The following ADAMTS9 variants were observed in gnomAD, a reference collection of about 807,000 sequenced individuals.
The protein encoded by ADAMTS9 is ADAM metallopeptidase with thrombospondin type 1 motif 9.
ADAMTS9 carries 107 observed loss-of-function variants against 257.1 expected under a neutral mutation model. The observed-to-expected ratio is 0.42, with a 90% CI of 0.36 to 0.49. The LOEUF is 0.49. Among genes scored for constraint, ADAMTS9 ranks in the 20% least tolerant of loss-of-function variants. The pLI is 0.03. For synonymous variants in ADAMTS9, 982 were observed against 880.9 expected, an observed-to-expected ratio of 1.11 and a Z score of -2.03; for missense variants, 2,353 against 2,469.1, an observed-to-expected ratio of 0.95 and a Z score of 1.00.
chr3:64,591,527 A>G (rs1382131502), intron 28 of ADAMTS9, among the ~76,000 whole-genome samples: 3 of 152,192 alleles, frequency 2.0e-5, no homozygotes, highest in African/African-American at 7.2e-5. Context: ...AAAAGGTTGA[A>G]TTTCTGGAGG....
chr3:64,659,149 G>A (rs1160745798), intron 3 of ADAMTS9, among the ~76,000 whole-genome samples: 1 of 152,212 alleles, frequency 6.6e-6, no homozygotes, highest in Admixed American at 6.5e-5. Context: ...GTAAGGGCCA[G>A]TAACGTAGCT....
In ADAMTS9 at chr3:64,604,257, T is replaced by C. The variant is rs772666278; in HGVS notation, c.3549A>G (p.Arg1183=). 1.9e-6 allele frequency: 3 copies of C among 1,613,704 alleles called. No individual in the cohort carries two copies. ...TCCAAGACCCAAATCGCCACTGGGT[T>C]CTTGGTGCACTGTATGTGCTTCTCC... The part of the protein sequence containing the change: ...ETRRSTYSAP[R]TQWRFGSWTP... Residue 1183 remains arginine, a synonymous_variant, in exon 24 of 40, where the codon AGA becomes AGG. Transcript: ENST00000498707.
intron 11 of ADAMTS9, among the ~76,000 whole-genome samples, chr3:64,647,527 G>A (rs113039704): frequency 1.4e-4 from 21 of 152,288 alleles, no homozygotes; most frequent in African/African-American, 5.1e-4. Context: ...ACCTGCAATA[G>A]ATGTACTATA....
chr3:64,583,798 A>C (rs1043634940), intron 28 of ADAMTS9: 1 of 152,182 alleles, frequency 6.6e-6, no homozygotes, highest in African/African-American at 2.4e-5. Flanking sequence ...TGTTGATGGG[A>C]GTTGTAAAGG....
chr3:64,670,632 T>G (rs763189478), intron 3 of ADAMTS9, among the ~76,000 whole-genome samples: 6 of 152,146 alleles, frequency 3.9e-5, no homozygotes, highest in Non-Finnish European at 8.8e-5. Flanking sequence ...GACAAAGGAC[T>G]TATATACAGA....
intron 26 of ADAMTS9, among the ~76,000 whole-genome samples, chr3:64,600,000 G>A (rs963098557): frequency 9.3e-5 from 14 of 150,876 alleles, no homozygotes; most frequent in Non-Finnish European, 5.9e-5. Flanking sequence ...CCCTACTGCG[G>A]CTAAATGAAC....
intron 39 of ADAMTS9, among the ~76,000 whole-genome samples, chr3:64,517,337 G>A (rs540428691): frequency 1.3e-5 from 2 of 149,774 alleles, no homozygotes; most frequent in African/African-American, 2.4e-5. Flanking sequence ...GACCTCCTGG[G>A]CAAGCAATCC....
At chr3:64,595,476 G>A (rs1013774656) in intron 27 of ADAMTS9, among the ~76,000 whole-genome samples, 1 of 152,200 alleles carries the variant, frequency 6.6e-6, no homozygotes, top group African/African-American at 2.4e-5. Flanking sequence ...GGTCTGTGCT[G>A]ACAGCAAAGC....
intron 37 of ADAMTS9, among the ~76,000 whole-genome samples, chr3:64,537,157 A>G (rs1433298435): frequency 6.6e-6 from 1 of 152,234 alleles, no homozygotes; most frequent in Admixed American, 6.5e-5. Context: ...GAGCTGGGAA[A>G]AAATACAAAT....
chr3:64,678,038 C>T (rs1458465068), intron 3 of ADAMTS9, among the ~76,000 whole-genome samples: 4 of 152,148 alleles, frequency 2.6e-5, no homozygotes, highest in Non-Finnish European at 5.9e-5. Context: ...ATTCCATCTG[C>T]GTGTGAAAGT....
chr3:64,670,590 A>T (rs1485252751), intron 3 of ADAMTS9, among the ~76,000 whole-genome samples: 1 of 152,224 alleles, frequency 6.6e-6, no homozygotes, highest in Non-Finnish European at 1.5e-5. Flanking sequence ...GACAAGCCAC[A>T]ATCTGGGAGA....
At chr3:64,656,121 G>T in intron 4 of ADAMTS9, 2 of 387,108 alleles carry the variant, frequency 5.2e-6, no homozygotes, top group South Asian at 8.3e-5. Context: ...ATTGCCACGT[G>T]ACTTAACAGT....
chr3:64,635,061 A>G (rs1442642247), intron 12 of ADAMTS9, among the ~76,000 whole-genome samples: 2 of 152,072 alleles, frequency 1.3e-5, no homozygotes, highest in East Asian at 3.9e-4. Flanking sequence ...ATAAAATGTT[A>G]CCTACTATGA....
At chr3:64,603,094 G>A (rs530578064) in intron 25 of ADAMTS9, among the ~76,000 whole-genome samples, 99 of 152,238 alleles carry the variant, frequency 6.5e-4, no homozygotes, top group African/African-American at 2.3e-3. Context: ...AGCATTTGAC[G>A]TACATAATCT....
chr3:64,638,035 T>C (rs1465155995), intron 12 of ADAMTS9, among the ~76,000 whole-genome samples: 3 of 152,220 alleles, frequency 2.0e-5, no homozygotes, highest in Non-Finnish European at 4.4e-5. Context: ...GTCTTAAATA[T>C]GTTTTTAAAG....
At chr3:64,654,686 G>GA (rs1701019019) in intron 6 of ADAMTS9, 74 bp from the exon 7 acceptor site, 1 of 1,528,344 alleles carries the variant, frequency 6.5e-7, no homozygotes, top group Non-Finnish European at 9.0e-7. Context: ...CTTTAGGGTC[G>GA]TCTAGGCATT....
At chr3:64,526,636 T>G (rs1191949209) in intron 38 of ADAMTS9, among the ~76,000 whole-genome samples, 2 of 152,282 alleles carry the variant, frequency 1.3e-5, no homozygotes, top group Admixed American at 6.5e-5. Context: ...TCATCAAAAC[T>G]TATGCTTTAC....
chr3:64,640,811 A>G (rs1178062165), intron 12 of ADAMTS9, among the ~76,000 whole-genome samples: 1 of 152,204 alleles, frequency 6.6e-6, no homozygotes, highest in Non-Finnish European at 1.5e-5. Flanking sequence ...GCAATTTATT[A>G]TCTATAAACA....
At chr3:64,596,172 T>C (rs1300622393) in intron 27 of ADAMTS9, among the ~76,000 whole-genome samples, 1 of 152,184 alleles carries the variant, frequency 6.6e-6, no homozygotes, top group Admixed American at 6.5e-5. Context: ...GATGAGGATA[T>C]AAATATTTGG....
Sources: gnomAD v4.1 joint callset for allele counts (sites outside exome capture counted in the v4.1 genomes callset) on GRCh38, gnomAD v4.1.1 for gene constraint, MANE v1.5 for transcripts, NCBI Gene and HGNC (gene_info 2026-07-23, HGNC 2026-07-21) for gene names.